ZFYVE26: variants seen among roughly 807,000 people sequenced by gnomAD.
ZFYVE26 encodes the protein zinc finger FYVE domain-containing protein 26.
Under a neutral mutation model 276.5 loss-of-function variants are expected in ZFYVE26, and 181 were observed. That is an observed-to-expected ratio of 0.65 (90% CI 0.58 to 0.74). The LOEUF is 0.74. ZFYVE26 is among the 30% of genes least tolerant of loss of function. ZFYVE26 has a pLI of 0.00. For missense variants in ZFYVE26, 2,821 were observed against 3,097.9 expected (o/e 0.91, Z 2.12); for synonymous variants, 1,129 against 1,203.1 (o/e 0.94, Z 1.27).
In ZFYVE26 at chr14:67,781,383, G is replaced by A. The variant is rs761565288; in HGVS notation, c.4519C>T (p.Leu1507=). ...AGCTTCCTCTGTAGCTCACACTTTA[G>A]TCCTTCTTGGACAGCCGTGTCTGAA... ...CISDTAVQEG[L]KCELQRKLAE... The change falls in exon 22 of 42, where the codon CTA becomes TTA. Residue 1507 remains leucine (L), a synonymous_variant. Transcript: ENST00000347230. 1 of 1,614,128 alleles carries A rather than the reference G, an allele frequency of 6.2e-7. No homozygotes were observed. Among genetic ancestry groups the A allele is most frequent in the Non-Finnish European group, 8.5e-7 (1 of 1,180,036 alleles).
intron 27 of ZFYVE26, among the ~76,000 whole-genome samples, chr14:67,772,569 C>G (rs1279367433): frequency 6.6e-6 from 1 of 152,146 alleles, no homozygotes; most frequent in Non-Finnish European, 1.5e-5. Context: ...GAACAAATGA[C>G]TAGACTCCTC....
At chr14:67,741,959 G>T (rs137898872), downstream of ZFYVE26, among the ~76,000 whole-genome samples, 1,356 of 152,300 alleles carry the variant, frequency 8.9e-3, 62 homozygotes, top group Admixed American at 0.074. Context: ...CTTCCTTGCT[G>T]ATTCACTTGC....
At chr14:67,769,763 G>C (rs1312500442) in intron 28 of ZFYVE26, 33 bp from the exon 29 acceptor site, 1 of 1,613,574 alleles carries the variant, frequency 6.2e-7, no homozygotes. Flanking sequence ...GAAGAAAGAG[G>C]GAGGAGAGAA....
chr14:67,735,407 G>A (rs2038340495), intron 13 of ZFYVE26: 1 of 656,282 alleles, frequency 1.5e-6, no homozygotes, highest in Admixed American at 2.3e-5. Flanking sequence ...GAAAAGACTT[G>A]CCGCAAGTTA....
intron 22 of ZFYVE26, 51 bp from the exon 23 acceptor site, chr14:67,780,396 A>G: frequency 6.6e-7 from 1 of 1,518,914 alleles, no homozygotes; most frequent in Non-Finnish European, 9.0e-7. Context: ...TTCTCCCTCC[A>G]TGAACAAGTC....
chr14:67,799,991 T>C (rs1810523), intron 10 of ZFYVE26, among the ~76,000 whole-genome samples: 105,373 of 152,098 alleles, frequency 0.69, 36,976 homozygotes, highest in East Asian at 0.98. Flanking sequence ...CCAGCTAGAA[T>C]ACCTTCCAAA....
rs747779320 is a variant in ZFYVE26 at position 67,751,143 on chromosome 14, G to C, written c.7372-47C>G. On this transcript the variant is annotated intron_variant, in intron 40 of 41. Transcript: ENST00000347230. ...CTGTGAGAGGGAGAAGAGTCCCGCA[G>C]TCTGGGAGCCAGGGCCCAACCCAGC... The C allele has an allele frequency of 5.6e-6, 9 of 1,610,952 alleles. No homozygotes were observed. The South Asian group carries it at 8.8e-5, about 16-fold the overall frequency.
At chr14:67,751,156 G>T in intron 40 of ZFYVE26, 60 bp from the exon 41 acceptor site, 1 of 1,596,932 alleles carries the variant, frequency 6.3e-7, no homozygotes, top group South Asian at 1.1e-5. Context: ...TGGGAGCCAG[G>T]GCCCAACCCA....
In ZFYVE26 at chr14:67,802,298, A is replaced by C. The variant is rs1280151185; in HGVS notation, c.1436-16T>G. On this transcript the variant is annotated splice_polypyrimidine_tract_variant and intron_variant, in intron 9 of 41. Transcript: ENST00000347230. ...TCAACTGCATCTGAATTACAAAGAG[A>C]AACAGGCTGAACTTGAGAGTTAATT... 2.5e-6 allele frequency: 4 copies of C among 1,613,518 alleles called. No individual in the cohort carries two copies. Among genetic ancestry groups the C allele is most frequent in the Non-Finnish European group, 3.4e-6 (4 of 1,179,538 alleles).
chr14:67,806,116 C>T (rs941970425), intron 6 of ZFYVE26, among the ~76,000 whole-genome samples: 1 of 152,226 alleles, frequency 6.6e-6, no homozygotes, highest in Admixed American at 6.5e-5. Context: ...AGACTGACTT[C>T]TGTTGTAACT....
chr14:67,736,516 A>G (rs1045130360), intron 13 of ZFYVE26, among the ~76,000 whole-genome samples: 5 of 152,236 alleles, frequency 3.3e-5, no homozygotes, highest in African/African-American at 1.2e-4. Context: ...GTGGACTAAA[A>G]GGCAAAAAAA....
intron 41 of ZFYVE26, chr14:67,750,655 C>A (rs1270411603): frequency 1.2e-5 from 3 of 251,580 alleles, no homozygotes. Flanking sequence ...TTTTTTCTTA[C>A]TGTACCTTTT....
intron 35 of ZFYVE26, among the ~76,000 whole-genome samples, chr14:67,756,875 G>A (rs1362018286): frequency 6.6e-6 from 1 of 152,144 alleles, no homozygotes; most frequent in African/African-American, 2.4e-5. Context: ...ATTGTCTACT[G>A]AACATGGCCA....
chr14:67,735,488 C>T (rs2038341714), intron 13 of ZFYVE26: 1 of 572,066 alleles, frequency 1.7e-6, no homozygotes, highest in South Asian at 2.2e-5. Flanking sequence ...AGACACCGTT[C>T]GACCTTCCCA....
At position 67,752,573 on chromosome 14, in the gene ZFYVE26, C is replaced by T. The variant is rs752881155; in HGVS notation, c.7189-47G>A. Reference sequence around the variant, plus strand: ...TGGGCTTAGGAGCAGGAAACGTTAACGGTGGGGAGGGAGGCAGCATTTAAA... The same window carrying T: ...TGGGCTTAGGAGCAGGAAACGTTAATGGTGGGGAGGGAGGCAGCATTTAAA... On this transcript the variant is annotated intron_variant, in intron 39 of 41. Coordinates refer to ENST00000347230, the MANE Select transcript of ZFYVE26 (RefSeq NM_015346.4). 9.4e-5 allele frequency: 150 copies of T among 1,602,930 alleles called. 1 individual carries two copies. The Middle Eastern group carries it at 1.0e-3, about 11-fold the overall frequency.
intron 22 of ZFYVE26, 120 bp downstream of exon 22, chr14:67,781,213 G>T: frequency 1.6e-6 from 2 of 1,224,404 alleles, no homozygotes; most frequent in Non-Finnish European, 2.4e-6. Flanking sequence ...GAAGCCAGAT[G>T]CAAAGCAAAA....
chr14:67,775,639 T>G (rs1250757182), intron 26 of ZFYVE26, among the ~76,000 whole-genome samples: 1 of 152,228 alleles, frequency 6.6e-6, no homozygotes, highest in African/African-American at 2.4e-5. Flanking sequence ...TATGTTATTA[T>G]GTGCATGCAG....
intron 4 of ZFYVE26, among the ~76,000 whole-genome samples, 190 bp from the exon 5 acceptor site, chr14:67,808,110 C>A (rs967304531): frequency 2.0e-5 from 3 of 152,146 alleles, no homozygotes; most frequent in Non-Finnish European, 4.4e-5. Context: ...TTAATCCTTA[C>A]AATAGTCTTC....
chr14:67,793,805 T>G, intron 13 of ZFYVE26, 46 bp from the exon 14 acceptor site: 1 of 1,612,316 alleles, frequency 6.2e-7, no homozygotes, highest in Non-Finnish European at 8.5e-7. Flanking sequence ...CAAGAGGAAT[T>G]AAGGAAATGC....
Sources: gnomAD v4.1 joint callset for allele counts (sites outside exome capture counted in the v4.1 genomes callset) on GRCh38, gnomAD v4.1.1 for gene constraint, MANE v1.5 for transcripts, NCBI Gene and HGNC (gene_info 2026-07-23, HGNC 2026-07-21) for gene names.